RIMKLA: variants seen among roughly 807,000 people sequenced by gnomAD.
RIMKLA encodes ribosomal modification protein rimK like family member A, also known as N-acetylaspartylglutamate synthase A.
RIMKLA carries 14 observed loss-of-function variants against 32.7 expected under a neutral mutation model. That is an observed-to-expected ratio of 0.43 (90% CI 0.28 to 0.67). RIMKLA has a LOEUF of 0.67. Ranked by LOEUF, RIMKLA falls within the 30% of genes least tolerant of loss-of-function variation. The probability of loss-of-function intolerance (pLI) is 0.18; values close to 1 mark genes in which losing one functional copy is unlikely to be tolerated. For missense variants in RIMKLA, 410 were observed against 519.0 expected, an observed-to-expected ratio of 0.79 and a Z score of 2.04; for synonymous variants, 176 against 204.1, an observed-to-expected ratio of 0.86 and a Z score of 1.18.
intron 1 of RIMKLA, among the ~76,000 whole-genome samples, chr1:42,390,870 T>G (rs1557751796): frequency 6.6e-6 from 1 of 152,180 alleles, no homozygotes; most frequent in African/African-American, 2.4e-5. Flanking sequence ...GCCAGAGTTG[T>G]GGTTTACATA....
rs1643232586 is a variant in RIMKLA at position 42,414,894 on chromosome 1, A to G, written c.1096A>G (p.Met366Val). The G allele has an allele frequency of 3.7e-6, 6 of 1,614,170 alleles. No individual in the cohort carries two copies. Among genetic ancestry groups the G allele is most frequent in the Non-Finnish European group, 5.1e-6 (6 of 1,180,030 alleles). Reference protein sequence around the residue: ...GEIRDSSASTMGAPPSMLPEP... With the variant: ...GEIRDSSASTVGAPPSMLPEP... ...GATCCGGGATTCCTCAGCAAGCACA[A>G]TGGGGGCCCCACCCTCCATGCTGCC... The change falls in exon 5 of 5, where the codon ATG becomes GTG. Residue 366 changes from methionine to valine, a missense_variant. Coordinates refer to ENST00000431473, the MANE Select transcript of RIMKLA (RefSeq NM_173642.4).
rs745422365 is a variant in RIMKLA, at chr1:42,414,755, T to G, written c.957T>G (p.Ser319Arg). Residue 319 changes from serine to arginine, a missense_variant, in exon 5 of 5, where the codon AGT (serine) becomes AGG (arginine). Ser to Arg is a moderately radical substitution (Grantham distance 110). Coordinates refer to ENST00000431473, the MANE Select transcript of RIMKLA (RefSeq NM_173642.4). Reference protein sequence around the residue: ...GKMAVLPGLSSPREKNEPDGC... With the variant: ...GKMAVLPGLSRPREKNEPDGC... Reference sequence around the variant, plus strand: ...TGGCTGTCCTCCCAGGACTGTCGAGTCCAAGGGAGAAGAACGAGCCGGATG... The same window carrying G: ...TGGCTGTCCTCCCAGGACTGTCGAGGCCAAGGGAGAAGAACGAGCCGGATG... The G allele has an allele frequency of 1.2e-6, 2 of 1,613,914 alleles. No homozygotes were observed. Among genetic ancestry groups the G allele is most frequent in the African/African-American group, 1.3e-5 (1 of 74,868 alleles).
rs1211821747 is a variant in RIMKLA at position 42,412,060 on chromosome 1, A to G, written c.685+1873A>G. On this transcript the variant is annotated intron_variant, in intron 4 of 4. Coordinates refer to ENST00000431473, the MANE Select transcript of RIMKLA (RefSeq NM_173642.4). ...TTTAGTTACCTTACAAAATCCATTCATTAGTAACCACGTGGCTTTATAATT... is the reference window on the plus strand; with the variant it reads ...TTTAGTTACCTTACAAAATCCATTCGTTAGTAACCACGTGGCTTTATAATT... 2.6e-5 allele frequency among the ~76,000 whole-genome samples: 4 copies of G among 151,664 alleles called. No homozygotes were observed. In the East Asian group the frequency reaches 7.7e-4, roughly 29 times the overall value.
chr1:42,382,425 G>T (rs969798682), intron 1 of RIMKLA, among the ~76,000 whole-genome samples: 1 of 152,130 alleles, frequency 6.6e-6, no homozygotes, highest in African/African-American at 2.4e-5. Context: ...AACCACTTTT[G>T]TCTTTGAATC....
At chr1:42,394,743 T>C (rs537058826) in intron 1 of RIMKLA, among the ~76,000 whole-genome samples, 1 of 152,268 alleles carries the variant, frequency 6.6e-6, no homozygotes, top group South Asian at 2.1e-4. Flanking sequence ...ATGAAGATTT[T>C]TTTTTTTTTT....
At chr1:42,398,034 G>A (rs928948128) in intron 1 of RIMKLA, among the ~76,000 whole-genome samples, 7 of 152,094 alleles carry the variant, frequency 4.6e-5, no homozygotes, top group African/African-American at 1.4e-4. Flanking sequence ...ACATCCTAAG[G>A]GAGTGGAAAA....
Position 42,422,876 on chromosome 1 carries a change from G to T in RIMKLA, c.*7902G>T, listed in dbSNP as rs1007758154. On this transcript the variant is annotated 3_prime_UTR_variant, in exon 5 of 5. Transcript: ENST00000431473. Reference sequence around the variant, plus strand: ...TGAGCTTGTCACGGGCCTGCTCAGCGTGCTCTCCCGGGCTGACATTCGAAT... The same window carrying T: ...TGAGCTTGTCACGGGCCTGCTCAGCTTGCTCTCCCGGGCTGACATTCGAAT... Among the ~76,000 whole-genome samples, 1 of 152,196 alleles carries T rather than the reference G, an allele frequency of 6.6e-6. No homozygotes were observed. Among genetic ancestry groups the T allele is most frequent in the African/African-American group, 2.4e-5 (1 of 41,442 alleles).
intron 1 of RIMKLA, among the ~76,000 whole-genome samples, chr1:42,388,083 A>G (rs1337406052): frequency 6.6e-6 from 1 of 152,144 alleles, no homozygotes; most frequent in Non-Finnish European, 1.5e-5. Context: ...AGAGTGAGCC[A>G]AGGGATGAGT....
rs1353307885 is a variant in RIMKLA, at chr1:42,422,915, G to A, written c.*7941G>A. On this transcript the variant is annotated 3_prime_UTR_variant, in exon 5 of 5. Coordinates refer to ENST00000431473, the MANE Select transcript of RIMKLA (RefSeq NM_173642.4). Reference sequence around the variant, plus strand: ...TGACATTCGAATTAAGATTCAAATAGCAAGTGAGAGCTGAAAGCTGTTTAA... The same window carrying A: ...TGACATTCGAATTAAGATTCAAATAACAAGTGAGAGCTGAAAGCTGTTTAA... 6.6e-6 allele frequency among the ~76,000 whole-genome samples: 1 copy of A among 152,270 alleles called. No individual in the cohort carries two copies. The highest frequency in any genetic ancestry group is 1.5e-5 in the Non-Finnish European group (1 of 68,028).
intron 4 of RIMKLA, chr1:42,412,473 GC>G: frequency 2.9e-6 from 1 of 341,456 alleles, no homozygotes; most frequent in East Asian, 8.2e-5. Context: ...TGGCCATGAT[GC>G]CAGCTGAGGT....
chr1:42,420,627 TC>T lies in RIMKLA; in HGVS notation c.*5656del, dbSNP rs1643287497. 1 of 152,176 alleles carries T rather than the reference TC, an allele frequency of 6.6e-6. No homozygotes were observed. The highest frequency in any genetic ancestry group is 1.5e-5 in the Non-Finnish European group (1 of 68,032). 9.4% of individuals were successfully genotyped at this position (152,176 alleles called of 1,614,324 possible). On this transcript the variant is annotated 3_prime_UTR_variant, in exon 5 of 5. Coordinates refer to ENST00000431473, the MANE Select transcript of RIMKLA (RefSeq NM_173642.4). ...AAACATTTTCCTGGACGAAGACAGT[TC>T]CCTCCCCAAGCGGAATTCGAGTGCC...
At chr1:42,402,884 A>G (rs1643112815) in intron 2 of RIMKLA, among the ~76,000 whole-genome samples, 2 of 151,712 alleles carry the variant, frequency 1.3e-5, no homozygotes, top group African/African-American at 4.8e-5. Flanking sequence ...GAGCCACCAC[A>G]CCTGGTCTTG....
rs1421801193 is a variant in RIMKLA at position 42,414,925 on chromosome 1, C to G, written c.1127C>G (p.Pro376Arg). 1.9e-6 allele frequency: 3 copies of G among 1,613,740 alleles called. No homozygotes were observed. Among genetic ancestry groups the G allele is most frequent in the Non-Finnish European group, 2.5e-6 (3 of 1,179,872 alleles). Residue 376 changes from proline to arginine, a missense_variant, in exon 5 of 5, where the codon CCT (proline) becomes CGT (arginine). Physicochemically the swap from Pro to Arg is moderately radical, Grantham distance 103 (BLOSUM62 -2). Coordinates refer to ENST00000431473, the MANE Select transcript of RIMKLA (RefSeq NM_173642.4). ...MGAPPSMLPE[P>R]GYNINNRIAS... ...GCCCCACCCTCCATGCTGCCCGAAC[C>G]TGGCTACAACATTAACAACAGGATT... is the stretch of plus-strand genomic sequence containing the variant.
intron 1 of RIMKLA, among the ~76,000 whole-genome samples, chr1:42,383,458 C>T (rs754841529): frequency 2.6e-5 from 4 of 152,170 alleles, no homozygotes; most frequent in Admixed American, 1.3e-4. Context: ...GTGCCTTGCA[C>T]GTAGTAGGCT....
At position 42,422,632 on chromosome 1, in the gene RIMKLA, TGTAAA is replaced by T. The variant is rs779432047; in HGVS notation, c.*7663_*7667del. The T allele has an allele frequency of 1.2e-4, 19 of 152,352 alleles. No homozygotes were observed. Among genetic ancestry groups the T allele is most frequent in the African/African-American group, 3.1e-4 (13 of 41,578 alleles). 9.4% of individuals were successfully genotyped at this position (152,352 alleles called of 1,614,324 possible). On this transcript the variant is annotated 3_prime_UTR_variant, in exon 5 of 5. Coordinates refer to ENST00000431473, the MANE Select transcript of RIMKLA (RefSeq NM_173642.4). Reference sequence around the variant, plus strand: ...AAATTCTGTGCCTTTTGGTGGTTCTTGTAAAGTAAGAATCACATGCTGAATCTACA... The same window carrying T: ...AAATTCTGTGCCTTTTGGTGGTTCTTGTAAGAATCACATGCTGAATCTACA...
chr1:42,397,012 TA>T (rs11339309), intron 1 of RIMKLA, among the ~76,000 whole-genome samples: 27,620 of 152,198 alleles, frequency 0.18, 2,616 homozygotes, highest in East Asian at 0.22. Context: ...CAAAGAACAG[TA>T]AAAGCATCTG....
Position 42,418,743 on chromosome 1 carries a change from A to C in RIMKLA, c.*3769A>C, listed in dbSNP as rs1643271996. On this transcript the variant is annotated 3_prime_UTR_variant, in exon 5 of 5. Coordinates refer to ENST00000431473, the MANE Select transcript of RIMKLA (RefSeq NM_173642.4). ...GCTGGTCTTGAGAACACTGAATGCA[A>C]ATCTGAGGAAGATGTAAGCGGCTGG... is the stretch of plus-strand genomic sequence containing the variant. 1 of 152,216 alleles carries C rather than the reference A, an allele frequency of 6.6e-6. No homozygotes were observed. The highest frequency in any genetic ancestry group is 2.4e-5 in the African/African-American group (1 of 41,454). The allele number at this position is 152,216 out of a possible 1,614,324, so 9.4% of individuals were successfully genotyped here. A position where few individuals can be genotyped will look rare whatever the true frequency, so the allele number is the denominator to read the frequency against.
rs1175872899 is a variant in RIMKLA, at chr1:42,415,926, G to A, written c.*952G>A. On this transcript the variant is annotated 3_prime_UTR_variant, in exon 5 of 5. Coordinates refer to ENST00000431473, the MANE Select transcript of RIMKLA (RefSeq NM_173642.4). ...CTGCTTAGCTGTAGGGGGTTTTCTT[G>A]TATGAGTGGGTGTTGGAGGTCTATT... 1 of 152,102 alleles carries A rather than the reference G, an allele frequency of 6.6e-6. No individual in the cohort carries two copies. Among genetic ancestry groups the A allele is most frequent in the Admixed American group, 6.5e-5 (1 of 15,276 alleles). 9.4% of individuals were successfully genotyped at this position (152,102 alleles called of 1,614,324 possible). A position where few individuals can be genotyped will look rare whatever the true frequency, so the allele number is the denominator to read the frequency against.
intron 1 of RIMKLA, among the ~76,000 whole-genome samples, chr1:42,398,999 A>G (rs1643071636): frequency 6.6e-6 from 1 of 150,650 alleles, no homozygotes; most frequent in African/African-American, 2.4e-5. Context: ...AAAGGGCTAT[A>G]TAATGTTCCA....
Sources: allele counts gnomAD v4.1 joint callset (sites outside exome capture counted in the v4.1 genomes callset), GRCh38; gene constraint gnomAD v4.1.1; transcripts MANE v1.5; gene names NCBI Gene and HGNC (gene_info 2026-07-23, HGNC 2026-07-21).